The following ERBB4 variants were observed in gnomAD, a reference collection of about 807,000 sequenced individuals.
ERBB4 encodes the protein receptor tyrosine-protein kinase erbB-4.
In ERBB4, 42 loss-of-function variants were observed where a neutral mutation model predicts 158.0. The observed-to-expected ratio is 0.27, with a 90% CI of 0.21 to 0.34. The LOEUF is 0.34. ERBB4 is among the 10% of genes least tolerant of loss of function. ERBB4 has a pLI of 1.00. For synonymous variants in ERBB4, 583 were observed against 558.7 expected, an observed-to-expected ratio of 1.04 and a Z score of -0.61; for missense variants, 1,333 against 1,624.1, an observed-to-expected ratio of 0.82 and a Z score of 3.08.
At chr2:212,103,610 G>A (rs1462100889) in intron 2 of ERBB4, among the ~76,000 whole-genome samples, 1 of 151,932 alleles carries the variant, frequency 6.6e-6, no homozygotes, top group Admixed American at 6.6e-5. Flanking sequence ...AATTCTGGGA[G>A]GACATACACC....
At chr2:211,412,950 CA>C (rs113603752) in intron 25 of ERBB4, among the ~76,000 whole-genome samples, 2,690 of 121,046 alleles carry the variant, frequency 0.022, 59 homozygotes, top group East Asian at 0.088. Flanking sequence ...GGGACTGTCT[CA>C]AAAAAAAAAA....
chr2:212,123,168 G>A (rs2079809644), intron 2 of ERBB4, among the ~76,000 whole-genome samples: 1 of 152,192 alleles, frequency 6.6e-6, no homozygotes, highest in Non-Finnish European at 1.5e-5. Flanking sequence ...TTGGGAGGCC[G>A]AGGAGGGCGG....
chr2:211,905,710 G>A (rs2079369084), intron 3 of ERBB4, among the ~76,000 whole-genome samples: 1 of 123,552 alleles, frequency 8.1e-6, no homozygotes, highest in Non-Finnish European at 1.7e-5. Flanking sequence ...GTATGTGTGT[G>A]TATATATGTG....
At chr2:211,780,056 C>T (rs961050167) in intron 4 of ERBB4, among the ~76,000 whole-genome samples, 1 of 152,064 alleles carries the variant, frequency 6.6e-6, no homozygotes, top group Non-Finnish European at 1.5e-5. Flanking sequence ...TTGAGAGGAA[C>T]TTATCATATA....
intron 2 of ERBB4, among the ~76,000 whole-genome samples, chr2:212,106,533 C>A (rs1559508346): frequency 6.6e-6 from 1 of 152,144 alleles, no homozygotes; most frequent in South Asian, 2.1e-4. Flanking sequence ...AATTTGCAGC[C>A]TGGCAATGTG....
intron 3 of ERBB4, among the ~76,000 whole-genome samples, chr2:211,925,238 TGA>T (rs545306233): frequency 3.8e-4 from 58 of 152,316 alleles, no homozygotes; most frequent in African/African-American, 1.4e-3. Context: ...TAGTATTAGT[TGA>T]GACTTTACCA....
At chr2:211,889,288 C>G (rs981054346) in intron 3 of ERBB4, among the ~76,000 whole-genome samples, 1 of 144,326 alleles carries the variant, frequency 6.9e-6, no homozygotes. Context: ...AGCCGGGGCA[C>G]ACTGACACCT....
intron 3 of ERBB4, among the ~76,000 whole-genome samples, chr2:211,855,389 T>C (rs976127252): frequency 6.6e-6 from 1 of 152,188 alleles, no homozygotes; most frequent in Non-Finnish European, 1.5e-5. Context: ...TGGATTGGTA[T>C]GTATACATGT....
At chr2:211,912,928 ACT>A (rs1236341743) in intron 3 of ERBB4, among the ~76,000 whole-genome samples, 2 of 152,046 alleles carry the variant, frequency 1.3e-5, no homozygotes, top group Non-Finnish European at 2.9e-5. Context: ...GACAGGCAGG[ACT>A]CTTTCTTTCT....
chr2:211,752,611 T>G (rs2075167670), intron 4 of ERBB4, among the ~76,000 whole-genome samples: 1 of 151,974 alleles, frequency 6.6e-6, no homozygotes. Context: ...AAAATTCATA[T>G]TAGACATTTT....
intron 25 of ERBB4, among the ~76,000 whole-genome samples, chr2:211,411,424 C>T (rs1393921356): frequency 6.6e-6 from 1 of 152,084 alleles, no homozygotes; most frequent in South Asian, 2.1e-4. Context: ...TTTCCAAGAG[C>T]TTGGAAGGAC....
At chr2:212,188,896 T>A (rs1279108306) in intron 1 of ERBB4, among the ~76,000 whole-genome samples, 1 of 152,140 alleles carries the variant, frequency 6.6e-6, no homozygotes, top group Non-Finnish European at 1.5e-5. Context: ...TCCTGACGAA[T>A]ATGTTCTTAT....
chr2:211,944,096 T>TACAC (rs1553517812), intron 3 of ERBB4, among the ~76,000 whole-genome samples: 1 of 131,282 alleles, frequency 7.6e-6, no homozygotes, highest in South Asian at 2.2e-4. Flanking sequence ...TATATATATA[T>TACAC]ACATGGTTAC....
chr2:211,466,749 C>T (rs530343394), intron 20 of ERBB4, among the ~76,000 whole-genome samples: 3 of 152,200 alleles, frequency 2.0e-5, no homozygotes, highest in South Asian at 4.1e-4. Context: ...CACACAAAGC[C>T]ATCAAATGAG....
intron 11 of ERBB4, among the ~76,000 whole-genome samples, chr2:211,703,371 T>C (rs2073322936): frequency 6.6e-6 from 1 of 152,194 alleles, no homozygotes; most frequent in African/African-American, 2.4e-5. Flanking sequence ...AAACCTCCTA[T>C]AACTTTTAAA....
At chr2:212,212,761 C>T (rs964457580) in intron 1 of ERBB4, among the ~76,000 whole-genome samples, 1 of 152,010 alleles carries the variant, frequency 6.6e-6, no homozygotes, top group African/African-American at 2.4e-5. Context: ...AGACATAACA[C>T]CACACATCTA....
chr2:212,485,116 G>A (rs1406247639), intron 1 of ERBB4, among the ~76,000 whole-genome samples: 8 of 152,180 alleles, frequency 5.3e-5, no homozygotes, highest in Admixed American at 5.2e-4. Flanking sequence ...GAGCCAGAAA[G>A]CAGCAGAGAA....
chr2:211,816,378 T>C (rs1402164241), intron 3 of ERBB4, among the ~76,000 whole-genome samples: 1 of 151,418 alleles, frequency 6.6e-6, no homozygotes, highest in Non-Finnish European at 1.5e-5. Context: ...CCGTCTCTAC[T>C]AAAATTACAA....
At chr2:212,359,950 C>A (rs1200509746) in intron 1 of ERBB4, among the ~76,000 whole-genome samples, 1 of 151,442 alleles carries the variant, frequency 6.6e-6, no homozygotes, top group Admixed American at 6.6e-5. Flanking sequence ...AAACGTGTAA[C>A]TTTTGTCTAA....
Sources: allele counts gnomAD v4.1 joint callset (sites outside exome capture counted in the v4.1 genomes callset), GRCh38; gene constraint gnomAD v4.1.1; transcripts MANE v1.5; gene names NCBI Gene and HGNC (gene_info 2026-07-23, HGNC 2026-07-21).